Variants in C2CD3 observed in about 807,000 individuals in gnomAD.
C2CD3 encodes the protein C2 domain-containing protein 3.
C2CD3 carries 148 observed loss-of-function variants against 234.0 expected under a neutral mutation model. That is an observed-to-expected ratio of 0.63 (90% CI 0.55 to 0.72). The LOEUF (loss-of-function observed/expected upper bound fraction) is 0.72. Ranked by LOEUF, C2CD3 falls within the 30% of genes least tolerant of loss-of-function variation. C2CD3 has a pLI of 0.00. For missense variants in C2CD3, 2,577 were observed against 2,811.5 expected (o/e 0.92, Z 1.89); for synonymous variants, 1,000 against 1,035.4 (o/e 0.97, Z 0.66).
At chr11:74,083,130 T>C (rs1178264345) in intron 22 of C2CD3, among the ~76,000 whole-genome samples, 1 of 152,042 alleles carries the variant, frequency 6.6e-6, no homozygotes. Flanking sequence ...GCCTCAGAAA[T>C]AACACCACAC....
chr11:74,051,696 C>T (rs961107746), intron 26 of C2CD3, among the ~76,000 whole-genome samples: 2 of 152,202 alleles, frequency 1.3e-5, no homozygotes, highest in Non-Finnish European at 2.9e-5. Context: ...AGGAAGCCTT[C>T]TCTGACATCC....
At chr11:74,013,757 A>C (rs1012405331) in intron 32 of C2CD3, among the ~76,000 whole-genome samples, 1 of 152,166 alleles carries the variant, frequency 6.6e-6, no homozygotes, top group Non-Finnish European at 1.5e-5. Context: ...GAATAAACTC[A>C]AGGTCCCACA....
intron 32 of C2CD3, among the ~76,000 whole-genome samples, chr11:74,028,056 A>T (rs909263153): frequency 6.6e-6 from 1 of 151,930 alleles, no homozygotes; most frequent in Non-Finnish European, 1.5e-5. Context: ...TTTCTTCCCC[A>T]TGTCAGTCTT....
chr11:74,041,870 G>A (rs1176238998), intron 29 of C2CD3, among the ~76,000 whole-genome samples, 184 bp downstream of exon 29: 1 of 152,174 alleles, frequency 6.6e-6, no homozygotes, highest in Non-Finnish European at 1.5e-5. Context: ...AGCTGATACA[G>A]ATTCATCTAT....
intron 3 of C2CD3, among the ~76,000 whole-genome samples, chr11:74,149,462 AGTAGCTGGGACT>A (rs1355775896): frequency 7.0e-4 from 107 of 152,268 alleles, no homozygotes; most frequent in African/African-American, 2.5e-3. Context: ...CAGCTTCCTG[AGTAGCTGGGACT>A]GTAGGTGCAT....
intron 11 of C2CD3, among the ~76,000 whole-genome samples, chr11:74,109,966 A>ACTTGGGAG (rs776289439): frequency 0.016 from 2,375 of 150,358 alleles, 55 homozygotes; most frequent in African/African-American, 0.035. Flanking sequence ...CTGTAGTCCC[A>ACTTGGGAG]GCTACTTGGG....
In C2CD3 at chr11:74,103,292, C is replaced by T. The variant is rs868384427; in HGVS notation, c.2419G>A (p.Val807Met). Residue 807 changes from valine (V) to methionine (M), a missense_variant, in exon 14 of 33, where the codon GTG (valine) becomes ATG (methionine). Physicochemically the swap from Val to Met is conservative, Grantham distance 21. Coordinates refer to ENST00000334126, the MANE Select transcript of C2CD3 (RefSeq NM_001286577.2). Reference sequence around the variant, plus strand: ...TTCCCATCTGGCACCATCAACAGCACATGCAACAGCAAAGCACTCTCTTTT... The same window carrying T: ...TTCCCATCTGGCACCATCAACAGCATATGCAACAGCAAAGCACTCTCTTTT... ...TTKESALLLHVLLMVPDGKDF... is the reference protein window; with the variant it reads ...TTKESALLLHMLLMVPDGKDF... The T allele has an allele frequency of 1.2e-5, 19 of 1,614,088 alleles. No individual in the cohort carries two copies. Among genetic ancestry groups the T allele is most frequent in the African/African-American group, 1.3e-5 (1 of 74,924 alleles).
rs1957755316 is a variant in C2CD3, at chr11:74,133,688, A to G, written c.956-131T>C. 3 of 867,020 alleles carry G rather than the reference A, an allele frequency of 3.5e-6. 1 individual carries two copies. The South Asian group carries it at 5.1e-5, about 15-fold the overall frequency. The allele number at this position is 867,020 out of a possible 1,614,324, so 53.7% of individuals were successfully genotyped here. Reference sequence around the variant, plus strand: ...AATAGTTTGCTCATCTGCCTTCCCCATTAGCTTGAGAATTCCTTGAGGACA... The same window carrying G: ...AATAGTTTGCTCATCTGCCTTCCCCGTTAGCTTGAGAATTCCTTGAGGACA... On this transcript the variant is annotated intron_variant, in intron 5 of 32. Transcript: ENST00000334126.
chr11:74,132,954 C>T lies in C2CD3; in HGVS notation c.1107G>A (p.Arg369=), dbSNP rs753000455. The T allele has an allele frequency of 1.9e-6, 3 of 1,613,828 alleles. No individual in the cohort carries two copies. In the South Asian group the frequency reaches 3.3e-5, roughly 18 times the overall value. The part of the protein sequence containing the change: ...RASTQIRAFS[R]NRFKDHIEDH... Reference sequence around the variant, plus strand: ...CTTCAATGTGGTCTTTAAACCGATTCCTAGAAAAGGCTCTGATCCTAAGGT... The same window carrying T: ...CTTCAATGTGGTCTTTAAACCGATTTCTAGAAAAGGCTCTGATCCTAAGGT... The change falls in exon 7 of 33, where the codon AGG becomes AGA. Residue 369 remains arginine (R), a synonymous_variant. Coordinates refer to ENST00000334126, the MANE Select transcript of C2CD3 (RefSeq NM_001286577.2).
Position 74,114,380 on chromosome 11 carries a change from A to T in C2CD3, c.1730+4T>A, listed in dbSNP as rs1255854704. On this transcript the variant is annotated splice_donor_region_variant and intron_variant, in intron 10 of 32. Transcript: ENST00000334126. ...AATTTAGCTTTCTCATGTTAGAGAC[A>T]TACCGCTTTTTTGCTGTAGTCACCT... is the stretch of plus-strand genomic sequence containing the variant. 1.9e-6 allele frequency: 3 copies of T among 1,610,326 alleles called. No homozygotes were observed. Among genetic ancestry groups the T allele is most frequent in the Non-Finnish European group, 2.5e-6 (3 of 1,177,006 alleles).
intron 30 of C2CD3, among the ~76,000 whole-genome samples, chr11:74,035,587 T>TA (rs1464383768): frequency 9.2e-5 from 14 of 151,858 alleles, no homozygotes; most frequent in Admixed American, 2.6e-4. Context: ...AGCTCTGGCT[T>TA]AAAAAAAACC....
At chr11:74,085,972 C>A in intron 20 of C2CD3, 86 bp from the exon 21 acceptor site, 1 of 1,314,270 alleles carries the variant, frequency 7.6e-7, no homozygotes, top group Non-Finnish European at 1.0e-6. Context: ...TTCATTACTT[C>A]TATGAGACCA....
intron 5 of C2CD3, 54 bp downstream of exon 5, chr11:74,138,666 G>C (rs1020994710): frequency 2.5e-5 from 36 of 1,453,176 alleles, no homozygotes; most frequent in Admixed American, 8.6e-5. Flanking sequence ...CTAACAAGCA[G>C]AGCAATCCCA....
Position 74,024,767 on chromosome 11 carries a change from G to A in C2CD3, c.6921+3520C>T, listed in dbSNP as rs115797240. On this transcript the variant is annotated intron_variant, in intron 32 of 32. Transcript: ENST00000334126. ...TTTCTTAGGCCATCCAGTGCTGGCT[G>A]GCAGCCAGCCAGGAGCGTAAGATTC... 9.0e-3 allele frequency among the ~76,000 whole-genome samples: 1,375 copies of A among 152,146 alleles called. 19 individuals carry two copies. The highest frequency in any genetic ancestry group is 0.031 in the African/African-American group (1,292 of 41,478).
chr11:74,161,348 T>C, intron 3 of C2CD3, 51 bp downstream of exon 3: 3 of 1,175,448 alleles, frequency 2.6e-6, no homozygotes, highest in Non-Finnish European at 3.6e-6. Flanking sequence ...CTCAACTATT[T>C]CTGCCCAAAA....
At chr11:74,101,241 A>G (rs1012361984) in intron 14 of C2CD3, among the ~76,000 whole-genome samples, 6 of 152,238 alleles carry the variant, frequency 3.9e-5, no homozygotes, top group African/African-American at 1.4e-4. Flanking sequence ...TAGTTGAAAA[A>G]GACAGGTCAC....
intron 20 of C2CD3, among the ~76,000 whole-genome samples, chr11:74,087,017 C>T (rs1955669133): frequency 1.3e-5 from 2 of 152,094 alleles, no homozygotes; most frequent in African/African-American, 4.8e-5. Context: ...GTTTCCTCTT[C>T]ACTAAGATGA....
At chr11:74,129,714 C>G (rs942855503) in intron 7 of C2CD3, 3 of 175,014 alleles carry the variant, frequency 1.7e-5, no homozygotes, top group African/African-American at 8.0e-5. Flanking sequence ...TTTGGGAGGC[C>G]AAGGCAGGCG....
rs1856940076 is a variant in C2CD3, at chr11:74,168,382, ATAGCGTAACGTG to A, written c.275_286del (p.Thr92_Ala95del). 1 of 1,613,918 alleles carries A rather than the reference ATAGCGTAACGTG, an allele frequency of 6.2e-7. No individual in the cohort carries two copies. Among genetic ancestry groups the A allele is most frequent in the Admixed American group, 1.7e-5 (1 of 60,008 alleles). On this transcript the variant is annotated inframe_deletion, in exon 2 of 33. Coordinates refer to ENST00000334126, the MANE Select transcript of C2CD3 (RefSeq NM_001286577.2). Reference sequence around the variant, plus strand: ...GGTAAACTGTTTTGGACCACAACGAATAGCGTAACGTGTAGTTGTTCTCACAGCTTTTGGTTC... The same window carrying A: ...GGTAAACTGTTTTGGACCACAACGAATAGTTGTTCTCACAGCTTTTGGTTC...
Sources: allele counts gnomAD v4.1 joint callset (sites outside exome capture counted in the v4.1 genomes callset), GRCh38; gene constraint gnomAD v4.1.1; transcripts MANE v1.5; gene names NCBI Gene and HGNC (gene_info 2026-07-23, HGNC 2026-07-21).